Variants in MSR1 observed in about 807,000 individuals in gnomAD.
MSR1 encodes macrophage scavenger receptor types I and II.
In MSR1, 53 loss-of-function variants were observed where a neutral mutation model predicts 47.2. That is an observed-to-expected ratio of 1.12 (90% confidence interval 0.90 to 1.41). MSR1 has a LOEUF of 1.41. MSR1 is among the 40% of genes most tolerant of loss of function. The pLI, the probability that MSR1 is intolerant of heterozygous loss-of-function variation, is 0.00. For missense variants in MSR1, 786 were observed against 546.9 expected (o/e 1.44, Z -4.36); for synonymous variants, 239 against 185.6 (o/e 1.29, Z -2.34).
rs188478049 is a variant in MSR1, at chr8:16,155,701, T to G, written c.818-557A>C. Among the ~76,000 whole-genome samples, 156 of 151,488 alleles carry G rather than the reference T, an allele frequency of 1.0e-3. 1 individual carries two copies. The highest frequency in any genetic ancestry group is 3.6e-3 in the African/African-American group (147 of 41,304). On this transcript the variant is annotated intron_variant, in intron 5 of 9. Coordinates refer to ENST00000262101, the MANE Select transcript of MSR1 (RefSeq NM_138715.3). ...ATGGTTGAAGTCTTCATTGAGAAAG[T>G]AGGATATGAGGGGTACTTTCAAGAA...
At chr8:16,185,436 T>G (rs1480733039) in intron 1 of MSR1, among the ~76,000 whole-genome samples, 2 of 152,188 alleles carry the variant, frequency 1.3e-5, no homozygotes, top group Non-Finnish European at 2.9e-5. Context: ...TGTGGTTATA[T>G]CATCCATTTA....
At chr8:16,121,437 A>G (rs1157439950) in intron 8 of MSR1, among the ~76,000 whole-genome samples, 3 of 152,014 alleles carry the variant, frequency 2.0e-5, no homozygotes, top group Admixed American at 2.0e-4. Flanking sequence ...CTATTTTTAA[A>G]AACCAATATA....
rs1181496201 is a variant in MSR1 at position 16,189,391 on chromosome 8, A to T, written c.-5+3207T>A. ...ATATATTTTATATATATAAAATCTT[A>T]TTTTATATATATTTTATATATATTT... On this transcript the variant is annotated intron_variant, in intron 1 of 9. Transcript: ENST00000262101. Among the ~76,000 whole-genome samples, 21 of 98,878 alleles carry T rather than the reference A, an allele frequency of 2.1e-4. No individual in the cohort carries two copies. In the South Asian group the frequency reaches 5.1e-3, roughly 24 times the overall value. 64.9% of individuals were successfully genotyped at this position (98,878 alleles called of 152,430 possible). A position where few individuals can be genotyped will look rare whatever the true frequency, so the allele number is the denominator to read the frequency against.
chr8:16,150,140 G>GTGTGTGTATATATATA (rs1402495981), intron 7 of MSR1, 91 bp downstream of exon 7: 16 of 172,614 alleles, frequency 9.3e-5, no homozygotes, highest in African/African-American at 4.6e-4. Context: ...GTGTGTGTGT[G>GTGTGTGTATATATATA]TATATATATA....
chr8:16,164,110 C>A lies in MSR1; in HGVS notation c.772G>T (p.Asp258Tyr), dbSNP rs968882170. The A allele has an allele frequency of 6.2e-7, 1 of 1,611,136 alleles. No individual in the cohort carries two copies. The highest frequency in any genetic ancestry group is 8.5e-7 in the Non-Finnish European group (1 of 1,178,176). ...CTCAAGGTCTGAGAATGTTCCCAAT[C>A]TTTCAGTCTGAGATCATTAGTGATG... ...NNITNDLRLKDWEHSQTLRNI... is the reference protein window; with the variant it reads ...NNITNDLRLKYWEHSQTLRNI... The change falls in exon 5 of 10, where the codon GAT becomes TAT. Residue 258 changes from aspartate (D) to tyrosine (Y), a missense_variant. Transcript: ENST00000262101.
intron 3 of MSR1, among the ~76,000 whole-genome samples, chr8:16,174,114 G>A (rs1801569733): frequency 6.6e-6 from 1 of 152,184 alleles, no homozygotes; most frequent in African/African-American, 2.4e-5. Context: ...AATAATTACA[G>A]TCTCTGTAGA....
Position 16,164,999 on chromosome 8 carries a change from G to A in MSR1, c.631-748C>T, listed in dbSNP as rs529300294. Among the ~76,000 whole-genome samples the A allele has an allele frequency of 1.5e-4, 23 of 152,002 alleles. No homozygotes were observed. The South Asian group carries it at 2.7e-3, about 18-fold the overall frequency. On this transcript the variant is annotated intron_variant, in intron 4 of 9. Coordinates refer to ENST00000262101, the MANE Select transcript of MSR1 (RefSeq NM_138715.3). ...AGACTGATATTTTCAGTAATTTAGT[G>A]GAATTGAATCTATTTCTCAAAATTT...
Position 16,164,229 on chromosome 8 carries a change from C to T in MSR1, c.653G>A (p.Arg218His), listed in dbSNP as rs748304603. Residue 218 changes from arginine to histidine, a missense_variant, in exon 5 of 10, where the codon CGT becomes CAT. Physicochemically the swap from Arg to His is conservative, Grantham distance 29 (BLOSUM62 0). Coordinates refer to ENST00000262101, the MANE Select transcript of MSR1 (RefSeq NM_138715.3). ...AATTTCTGCTGATACATTGTAAACACGCTCCTCTAATTTACTGATTTCCTG... is the reference window on the plus strand; with the variant it reads ...AATTTCTGCTGATACATTGTAAACATGCTCCTCTAATTTACTGATTTCCTG... ...QQEEISKLEE[R>H]VYNVSAEIMA... The T allele has an allele frequency of 1.4e-5, 22 of 1,611,872 alleles. No homozygotes were observed. Among genetic ancestry groups the T allele is most frequent in the Admixed American group, 3.3e-5 (2 of 59,940 alleles).
Position 16,108,101 on chromosome 8 carries a change from A to G in MSR1, c.*1984T>C, listed in dbSNP as rs901266630. 3 of 151,334 alleles carry G rather than the reference A, an allele frequency of 2.0e-5. No homozygotes were observed. Among genetic ancestry groups the G allele is most frequent in the Non-Finnish European group, 4.4e-5 (3 of 67,772 alleles). 9.4% of individuals were successfully genotyped at this position (151,334 alleles called of 1,614,324 possible). A position where few individuals can be genotyped will look rare whatever the true frequency, so the allele number is the denominator to read the frequency against. On this transcript the variant is annotated 3_prime_UTR_variant, in exon 10 of 10. Coordinates refer to ENST00000262101, the MANE Select transcript of MSR1 (RefSeq NM_138715.3). ...ACCATACAGCAATATAGTATTAACA[A>G]CCCATAGGCACTGATCTCAGACATC...
chr8:16,144,331 G>A (rs962711410), intron 7 of MSR1, among the ~76,000 whole-genome samples: 1 of 151,972 alleles, frequency 6.6e-6, no homozygotes, highest in Non-Finnish European at 1.5e-5. Flanking sequence ...CTTAAGATTG[G>A]TGCTGTTCCT....
intron 8 of MSR1, among the ~76,000 whole-genome samples, chr8:16,141,348 T>C (rs930654174): frequency 4.6e-5 from 7 of 152,156 alleles, no homozygotes; most frequent in African/African-American, 1.2e-4. Flanking sequence ...GAATGTAGCA[T>C]TGTTTATTAA....
chr8:16,135,496 G>C (rs1800367301), intron 8 of MSR1, among the ~76,000 whole-genome samples: 1 of 152,162 alleles, frequency 6.6e-6, no homozygotes, highest in Admixed American at 6.5e-5. Context: ...TGCTCATTGA[G>C]AGTGCACCTG....
intron 8 of MSR1, among the ~76,000 whole-genome samples, chr8:16,121,903 A>T (rs559653146): frequency 1.3e-5 from 2 of 152,058 alleles, no homozygotes; most frequent in African/African-American, 4.8e-5. Flanking sequence ...TAACATTTAA[A>T]GTTACTAGAT....
chr8:16,171,532 A>G (rs1467762254), intron 3 of MSR1, among the ~76,000 whole-genome samples: 1 of 152,144 alleles, frequency 6.6e-6, no homozygotes, highest in Admixed American at 6.5e-5. Flanking sequence ...TATTAAATTC[A>G]TTGTGGGGAC....
At chr8:16,168,435 C>A (rs897488485) in intron 4 of MSR1, 23 bp downstream of exon 4, 1 of 1,613,192 alleles carries the variant, frequency 6.2e-7, no homozygotes, top group Non-Finnish European at 8.5e-7. Flanking sequence ...CAGCAAGTGA[C>A]CTTGCAGTCC....
At chr8:16,117,534 T>C (rs1250168171) in intron 9 of MSR1, among the ~76,000 whole-genome samples, 1 of 152,182 alleles carries the variant, frequency 6.6e-6, no homozygotes, top group Non-Finnish European at 1.5e-5. Flanking sequence ...GTACAGCTGC[T>C]TTTGGTGCCT....
Position 16,162,440 on chromosome 8 carries a change from T to G in MSR1, c.817+1625A>C, listed in dbSNP as rs75248444. 5.5e-3 allele frequency among the ~76,000 whole-genome samples: 840 copies of G among 152,188 alleles called. 24 individuals are homozygous for G. The East Asian group carries it at 0.097, about 18-fold the overall frequency. On this transcript the variant is annotated intron_variant, in intron 5 of 9. Transcript: ENST00000262101. ...ATCCCAGAAGAAATGCCCGAGGTGC[T>G]TTTAGAACGGAGAACAATTGGTAAA...
chr8:16,175,247 G>C lies in MSR1; in HGVS notation c.157C>G (p.Leu53Val), dbSNP rs753516872. 1.1e-5 allele frequency: 17 copies of C among 1,613,978 alleles called. No individual in the cohort carries two copies. The highest frequency in any genetic ancestry group is 1.4e-5 in the Non-Finnish European group (17 of 1,180,008). ...QEKLKSFKAA[L>V]IALYLLVFAV... ...AACACGAGGAGGTAAAGGGCAATCA[G>C]TGCAGCTTTGAAGGACTTCAGTTTC... The change falls in exon 3 of 10, where the codon CTG (leucine) becomes GTG (valine). Residue 53 changes from leucine (L) to valine (V), a missense_variant. Transcript: ENST00000262101.
chr8:16,180,136 C>T (rs1299709268), intron 1 of MSR1, among the ~76,000 whole-genome samples: 1 of 151,568 alleles, frequency 6.6e-6, no homozygotes, highest in Non-Finnish European at 1.5e-5. Context: ...CTCCCTCTCT[C>T]CTCTCTCTCC....
Sources: gnomAD v4.1 joint callset for allele counts (sites outside exome capture counted in the v4.1 genomes callset) on GRCh38, gnomAD v4.1.1 for gene constraint, MANE v1.5 for transcripts, NCBI Gene and HGNC (gene_info 2026-07-23, HGNC 2026-07-21) for gene names.